KRT84: variants seen among roughly 807,000 people sequenced by gnomAD.
The protein encoded by KRT84 is keratin 84.
KRT84 carries 38 observed loss-of-function variants against 49.0 expected under a neutral mutation model. That is an observed-to-expected ratio of 0.78 (90% CI 0.60 to 1.02). The LOEUF is 1.02. Ranked by LOEUF, KRT84 falls within the 50% of genes least tolerant of loss-of-function variation. The pLI, the probability that KRT84 is intolerant of heterozygous loss-of-function variation, is 0.00. For missense variants in KRT84, 860 were observed against 788.6 expected (o/e 1.09, Z -1.08); for synonymous variants, 334 against 312.8 (o/e 1.07, Z -0.72).
Position 52,381,101 on chromosome 12 carries a change from C to T in KRT84, c.1182G>A (p.Glu394=). ...CCACCTGAGCCTTGGCGTGCTCAAT[C>T]TCTGCCTTAAGCCTCTGGATCAGGC... ...LTRLIQRLKA[E]IEHAKAQRAK... The change falls in exon 6 of 9, where the codon GAG becomes GAA. Residue 394 remains glutamate, a synonymous_variant. Transcript: ENST00000257951. 1 of 1,614,124 alleles carries T rather than the reference C, an allele frequency of 6.2e-7. No homozygotes were observed. The highest frequency in any genetic ancestry group is 1.1e-5 in the South Asian group (1 of 91,058).
chr12:52,381,256 C>T (rs1939478124), intron 5 of KRT84, 51 bp from the exon 6 acceptor site: 10 of 1,610,708 alleles, frequency 6.2e-6, no homozygotes, highest in East Asian at 2.2e-5. Flanking sequence ...GTCAGGATCA[C>T]AGCCCCCACT....
At position 52,383,025 on chromosome 12, in the gene KRT84, C is replaced by T; in HGVS notation, c.796G>A (p.Glu266Lys). ...CTTACCTTCTTCAGAGCCACAAACT[C>T]ATTCTCAGCATTGGCCCGACATACC... ...EVVCRANAEN[E>K]FVALKKDVDA... The change falls in exon 3 of 9, where the codon GAG becomes AAG. Residue 266 changes from glutamate to lysine, a missense_variant. Glu to Lys is a moderately conservative substitution (Grantham distance 56). Coordinates refer to ENST00000257951, the MANE Select transcript of KRT84 (RefSeq NM_033045.4). 12 of 1,613,850 alleles carry T rather than the reference C, an allele frequency of 7.4e-6. No homozygotes were observed. Among genetic ancestry groups the T allele is most frequent in the East Asian group, 2.2e-5 (1 of 44,884 alleles).
chr12:52,381,363 T>G lies in KRT84; in HGVS notation c.1075A>C (p.Lys359Gln). The G allele has an allele frequency of 6.2e-7, 1 of 1,614,174 alleles. No individual in the cohort carries two copies. Among genetic ancestry groups the G allele is most frequent in the Non-Finnish European group, 8.5e-7 (1 of 1,180,038 alleles). ...CTTCCCCAGCCTCCACTGCCCACCT[T>G]GGTCTGGTACCAGGCCTCAGCATCA... The part of the protein sequence containing the change: ...RADAEAWYQT[K>Q]YEEMQVTAGQ... Residue 359 changes from lysine to glutamine, a missense_variant and splice_region_variant, in exon 5 of 9, where the codon AAG becomes CAG. Transcript: ENST00000257951.
chr12:52,386,393 A>T (rs796964706), upstream of KRT84, among the ~76,000 whole-genome samples: 5 of 138,736 alleles, frequency 3.6e-5, no homozygotes, highest in East Asian at 2.1e-4. Context: ...TTTATCTTAA[A>T]TTTTTTTTTT....
rs1343551007 is a variant in KRT84 at position 52,385,377 on chromosome 12, G to A, written c.209C>T (p.Ser70Phe). 6.2e-7 allele frequency: 1 copy of A among 1,614,212 alleles called. No homozygotes were observed. Among genetic ancestry groups the A allele is most frequent in the African/African-American group, 1.3e-5 (1 of 75,056 alleles). Residue 70 changes from serine to phenylalanine, a missense_variant, in exon 1 of 9, where the codon TCT becomes TTT. Physicochemically the swap from Ser to Phe is radical, Grantham distance 155 (BLOSUM62 -2). Transcript: ENST00000257951. ...GCGGACTCCACAGTGGATGGGCCGA[G>A]AGCCTACAGCTGCTATCCGGGGTGA... ...SYSPRIAAVG[S>F]RPIHCGVRFG...
rs148643585 is a variant in KRT84 at position 52,380,582 on chromosome 12, C to A, written c.1205G>T (p.Arg402Leu). ...GGCCACTGCAGCCTCCAACTTGGCA[C>A]GCTGCAGGGAAGGCAGTTTGCAGGT... Reference protein sequence around the residue: ...KAEIEHAKAQRAKLEAAVAEA... With the variant: ...KAEIEHAKAQLAKLEAAVAEA... Residue 402 changes from arginine (R) to leucine (L), a missense_variant and splice_region_variant, in exon 7 of 9, where the codon CGT becomes CTT. By Grantham distance (102) the Arg-to-Leu change is moderately radical. Coordinates refer to ENST00000257951, the MANE Select transcript of KRT84 (RefSeq NM_033045.4). 1.2e-5 allele frequency: 20 copies of A among 1,608,976 alleles called. No individual in the cohort carries two copies. In the African/African-American group the frequency reaches 2.3e-4, roughly 18 times the overall value.
chr12:52,385,074 G>GT lies in KRT84; in HGVS notation c.511dup (p.Thr171AsnfsTer11). 6.2e-7 allele frequency: 1 copy of GT among 1,607,798 alleles called. No homozygotes were observed. Among genetic ancestry groups the GT allele is most frequent in the Non-Finnish European group, 8.5e-7 (1 of 1,177,048 alleles). ...GAAGGAGGCAAACTTGTTGTTGAGG[G>GT]TCTTGATTTGCTCCTTCTCATCCTT... On this transcript the variant is annotated frameshift_variant, in exon 1 of 9. Transcript: ENST00000257951. LOFTEE classifies it high-confidence loss of function.
chr12:52,385,445 A>G lies in KRT84; in HGVS notation c.141T>C (p.Leu47=), dbSNP rs775146997. Residue 47 remains leucine (L), a synonymous_variant, in exon 1 of 9, where the codon CTT becomes CTC. Coordinates refer to ENST00000257951, the MANE Select transcript of KRT84 (RefSeq NM_033045.4). ...SCWSGPGFRG[L]GSFGSRSVIT... ...TGACACTCCGACTACCAAAGCTGCCAAGGCCCCGGAATCCAGGCCCACTCC... is the reference window on the plus strand; with the variant it reads ...TGACACTCCGACTACCAAAGCTGCCGAGGCCCCGGAATCCAGGCCCACTCC... 1.2e-6 allele frequency: 2 copies of G among 1,614,218 alleles called. No homozygotes were observed. The highest frequency in any genetic ancestry group is 2.2e-5 in the East Asian group (1 of 44,880).
At position 52,377,991 on chromosome 12, in the gene KRT84, G is replaced by C; in HGVS notation, c.*43C>G. The C allele has an allele frequency of 1.5e-6, 2 of 1,356,798 alleles. No homozygotes were observed. The highest frequency in any genetic ancestry group is 1.9e-6 in the Non-Finnish European group (2 of 1,038,992). 84.0% of individuals were successfully genotyped at this position (1,356,798 alleles called of 1,614,324 possible). A position where few individuals can be genotyped will look rare whatever the true frequency, so the allele number is the denominator to read the frequency against. ...CCTGGGGGCAGAAGCAGGAGCCGTGGAGCTGGTTCTTCTCTGGGCAGCAGC... is the reference window on the plus strand; with the variant it reads ...CCTGGGGGCAGAAGCAGGAGCCGTGCAGCTGGTTCTTCTCTGGGCAGCAGC... On this transcript the variant is annotated 3_prime_UTR_variant, in exon 9 of 9. Transcript: ENST00000257951.
intron 1 of KRT84, among the ~76,000 whole-genome samples, chr12:52,384,671 G>A (rs1732302): frequency 0.32 from 48,663 of 152,082 alleles, 9,782 homozygotes; most frequent in African/African-American, 0.57. Flanking sequence ...AACCTCTTAA[G>A]CATATACCAG....
chr12:52,382,885 C>T, intron 3 of KRT84, 120 bp downstream of exon 3: 1 of 784,186 alleles, frequency 1.3e-6, no homozygotes, highest in East Asian at 2.5e-5. Flanking sequence ...CCACTGTCTC[C>T]ACTGTCTTGA....
chr12:52,386,291 T>C (rs1176482233), upstream of KRT84, among the ~76,000 whole-genome samples: 1 of 152,176 alleles, frequency 6.6e-6, no homozygotes, highest in Admixed American at 6.5e-5. Flanking sequence ...TCTACAGTTT[T>C]AGAGTGCCTG....
Position 52,383,698 on chromosome 12 carries a change from C to T in KRT84, c.647G>A (p.Ser216Asn), listed in dbSNP as rs375331529. 3.7e-6 allele frequency: 6 copies of T among 1,614,082 alleles called. No individual in the cohort carries two copies. In the African/African-American group the frequency reaches 5.3e-5, roughly 14 times the overall value. The change falls in exon 2 of 9, where the codon AGC becomes AAC. Residue 216 changes from serine (S) to asparagine (N), a missense_variant. Ser to Asn is a conservative substitution (Grantham distance 46). Transcript: ENST00000257951. ...IRSNLEPLFE[S>N]YITNLRRQLE... ...CTGCCTCCGCAGGTTGGTGATGTAG[C>T]TCTCGAAGAGTGGCTCCAGATTGCT...
At position 52,385,027 on chromosome 12, in the gene KRT84, C is replaced by T. The variant is rs1276966315; in HGVS notation, c.546+13G>A. 2.5e-6 allele frequency: 4 copies of T among 1,596,580 alleles called. No homozygotes were observed. Among genetic ancestry groups the T allele is most frequent in the South Asian group, 1.1e-5 (1 of 87,398 alleles). ...AATATTCCTAGACCCAGAGATTCAG[C>T]TATCATAGGTACCTTGTCAATGAAG... On this transcript the variant is annotated intron_variant, in intron 1 of 8. Transcript: ENST00000257951.
At position 52,379,767 on chromosome 12, in the gene KRT84, G is replaced by A. The variant is rs1156395650; in HGVS notation, c.1456+109C>T. 2.2e-5 allele frequency: 19 copies of A among 861,960 alleles called. 1 individual carries two copies. Among genetic ancestry groups the A allele is most frequent in the South Asian group, 7.0e-5 (5 of 70,984 alleles). The allele number at this position is 861,960 out of a possible 1,614,324, so 53.4% of individuals were successfully genotyped here. A position where few individuals can be genotyped will look rare whatever the true frequency, so the allele number is the denominator to read the frequency against. The stretch of plus-strand genomic sequence containing the variant: ...GATGGTCCCAGCTCCCCTGACTGTC[G>A]TGGCCAGACCGGCCATGTCGGACGC... On this transcript the variant is annotated intron_variant, in intron 8 of 8. Transcript: ENST00000257951.
Position 52,385,549 on chromosome 12 carries a change from G to T in KRT84, c.37C>A (p.Arg13=), listed in dbSNP as rs138520896. The part of the protein sequence containing the change: ...CRSYRVSSGH[R]VGNFSSCSAM... ...GAACAAGAGCTGAAGTTGCCCACCC[G>T]GTGACCAGAGCTGACTCGGTAGGAG... Residue 13 remains arginine, a synonymous_variant, in exon 1 of 9, where the codon CGG becomes AGG. Transcript: ENST00000257951. 329 of 1,614,048 alleles carry T rather than the reference G, an allele frequency of 2.0e-4. 1 individual carries two copies. In the African/African-American group the frequency reaches 4.0e-3, roughly 19 times the overall value.
chr12:52,381,150 C>T lies in KRT84; in HGVS notation c.1133G>A (p.Arg378Gln), dbSNP rs530354854. Residue 378 changes from arginine (R) to glutamine (Q), a missense_variant, in exon 6 of 9, where the codon CGG becomes CAG. Transcript: ENST00000257951. ...GCGGGTCAGTTCGTTGATCTCGTTCCGTATGTTGCGCAGGTTGTCACAGTG... is the reference window on the plus strand; with the variant it reads ...GCGGGTCAGTTCGTTGATCTCGTTCTGTATGTTGCGCAGGTTGTCACAGTG... ...GQHCDNLRNI[R>Q]NEINELTRLI... 9 of 1,614,086 alleles carry T rather than the reference C, an allele frequency of 5.6e-6. No homozygotes were observed. Among genetic ancestry groups the T allele is most frequent in the African/African-American group, 4.0e-5 (3 of 75,030 alleles).
chr12:52,384,291 C>A (rs905800987), intron 1 of KRT84, among the ~76,000 whole-genome samples: 22 of 151,200 alleles, frequency 1.5e-4, no homozygotes, highest in Non-Finnish European at 3.0e-4. Context: ...ACTTACAGAC[C>A]CTTTACCCCA....
chr12:52,385,388 T>A lies in KRT84; in HGVS notation c.198A>T (p.Ala66=). Residue 66 remains alanine (A), a synonymous_variant, in exon 1 of 9, where the codon GCA becomes GCT. Transcript: ENST00000257951. ...ITFGSYSPRI[A]AVGSRPIHCG... is the part of the protein sequence containing the mutation. ...AGTGGATGGGCCGAGAGCCTACAGC[T>A]GCTATCCGGGGTGAGTACGATCCAA... The A allele has an allele frequency of 2.5e-6, 4 of 1,614,176 alleles. No homozygotes were observed. Among genetic ancestry groups the A allele is most frequent in the Non-Finnish European group, 3.4e-6 (4 of 1,180,034 alleles).
Sources: allele counts gnomAD v4.1 joint callset (sites outside exome capture counted in the v4.1 genomes callset), GRCh38; gene constraint gnomAD v4.1.1; transcripts MANE v1.5; gene names NCBI Gene and HGNC (gene_info 2026-07-23, HGNC 2026-07-21).